The following AKT3 variants were observed in gnomAD, a reference collection of about 807,000 sequenced individuals.
AKT3 encodes RAC-gamma serine/threonine-protein kinase.
In AKT3, 15 loss-of-function variants were observed where a neutral mutation model predicts 65.3. That is an observed-to-expected ratio of 0.23 (90% CI 0.15 to 0.35). AKT3 has a LOEUF of 0.35. Among genes scored for constraint, AKT3 ranks in the 10% least tolerant of loss-of-function variants. The pLI is 1.00. For missense variants in AKT3, 243 were observed against 576.5 expected, an observed-to-expected ratio of 0.42 and a Z score of 5.92; for synonymous variants, 206 against 183.8, an observed-to-expected ratio of 1.12 and a Z score of -0.98.
At chr1:243,749,162 T>G (rs896868944) in intron 2 of AKT3, among the ~76,000 whole-genome samples, 2 of 152,086 alleles carry the variant, frequency 1.3e-5, no homozygotes, top group Non-Finnish European at 2.9e-5. Flanking sequence ...CTAATCCACT[T>G]TTTCTTTCAT....
At chr1:243,770,275 T>C (rs1438624831) in intron 2 of AKT3, among the ~76,000 whole-genome samples, 2 of 152,122 alleles carry the variant, frequency 1.3e-5, no homozygotes, top group African/African-American at 2.4e-5. Flanking sequence ...AGTAAAATGA[T>C]AGAATTTCTG....
intron 2 of AKT3, among the ~76,000 whole-genome samples, chr1:243,766,459 C>A (rs1387850378): frequency 2.6e-5 from 4 of 152,140 alleles, no homozygotes; most frequent in African/African-American, 9.6e-5. Context: ...ACTTTATACA[C>A]AATGTTCTGC....
At chr1:243,653,635 T>C (rs941873428) in intron 4 of AKT3, among the ~76,000 whole-genome samples, 8 of 152,198 alleles carry the variant, frequency 5.3e-5, no homozygotes, top group African/African-American at 1.9e-4. Context: ...GACAATGTTA[T>C]TCTATGCCTT....
chr1:243,793,823 C>T (rs981111710), intron 2 of AKT3, among the ~76,000 whole-genome samples: 1 of 151,656 alleles, frequency 6.6e-6, no homozygotes, highest in African/African-American at 2.4e-5. Flanking sequence ...TATTGACTCC[C>T]TAGGGTCTAG....
intron 10 of AKT3, among the ~76,000 whole-genome samples, chr1:243,561,975 G>T (rs1396740340): frequency 6.6e-6 from 1 of 152,116 alleles, no homozygotes; most frequent in Non-Finnish European, 1.5e-5. Context: ...TGACAGAAAT[G>T]ATGTTGTGTG....
chr1:243,675,777 A>G (rs1317400264), intron 3 of AKT3, among the ~76,000 whole-genome samples: 1 of 152,056 alleles, frequency 6.6e-6, no homozygotes, highest in African/African-American at 2.4e-5. Flanking sequence ...CTTGACCTCC[A>G]TGACACTGAC....
At position 243,493,165 on chromosome 1, in the gene AKT3, C is replaced by T. The variant is rs538682604; in HGVS notation, c.*7-4715G>A. Among the ~76,000 whole-genome samples the T allele has an allele frequency of 6.2e-4, 93 of 149,614 alleles. 1 individual carries two copies. Among genetic ancestry groups the T allele is most frequent in the African/African-American group, 2.1e-3 (87 of 40,530 alleles). On this transcript the variant is annotated intron_variant, in intron 13 of 13. Coordinates refer to the AKT3 transcript ENST00000336199. ...TTTGTTTGAGACTGGGCTGGGTAGT[C>T]GCACTCTCGCCCTCTTGAGAGGCAG...
chr1:243,505,925 C>CTCATCAGG, intron 13 of AKT3, among the ~76,000 whole-genome samples: 1 of 152,370 alleles, frequency 6.6e-6, no homozygotes, highest in African/African-American at 2.4e-5. Context: ...TGAGTCCTAG[C>CTCATCAGG]TCATCAGGAA....
chr1:243,635,898 T>C (rs947237645), intron 6 of AKT3, among the ~76,000 whole-genome samples: 20 of 152,166 alleles, frequency 1.3e-4, no homozygotes, highest in African/African-American at 4.3e-4. Flanking sequence ...TTGCTATAAA[T>C]GAGCATATTT....
At chr1:243,758,968 A>G (rs1689320113) in intron 2 of AKT3, among the ~76,000 whole-genome samples, 1 of 152,196 alleles carries the variant, frequency 6.6e-6, no homozygotes, top group Non-Finnish European at 1.5e-5. Context: ...GTTTCTGAGC[A>G]GAAGAGCCAA....
At chr1:243,813,055 C>T (rs1375037417) in intron 2 of AKT3, among the ~76,000 whole-genome samples, 1 of 150,472 alleles carries the variant, frequency 6.6e-6, no homozygotes, top group African/African-American at 2.4e-5. Context: ...GGAGGGATAG[C>T]ATTAGGAGAT....
At chr1:243,849,386 A>ACCCCCCCCCCCCCCCCCCCCCCCCCCCC (rs57424400) in intron 1 of AKT3, among the ~76,000 whole-genome samples, 2 of 107,020 alleles carry the variant, frequency 1.9e-5, no homozygotes, top group Admixed American at 1.0e-4. Context: ...CCACACACAC[A>ACCCCCCCCCCCCCCCCCCCCCCCCCCCC]CCCCCCCCCC....
chr1:243,787,872 A>C (rs527460503), intron 2 of AKT3, among the ~76,000 whole-genome samples: 1 of 151,956 alleles, frequency 6.6e-6, no homozygotes, highest in African/African-American at 2.4e-5. Flanking sequence ...CCTCTCCTAC[A>C]TTAATCTTCT....
chr1:243,594,689 T>C (rs1393990623), intron 8 of AKT3, among the ~76,000 whole-genome samples: 1 of 152,130 alleles, frequency 6.6e-6, no homozygotes, highest in Admixed American at 6.5e-5. Flanking sequence ...CATCAACCTC[T>C]TGGGCTCAAG....
chr1:243,527,894 C>CAAG (rs1671231672), intron 12 of AKT3, among the ~76,000 whole-genome samples: 1 of 105,670 alleles, frequency 9.5e-6, no homozygotes, highest in African/African-American at 3.8e-5. Context: ...CACACACACA[C>CAAG]ACACACACAC....
chr1:243,640,312 CTAGG>C (rs1377282821), intron 5 of AKT3, among the ~76,000 whole-genome samples: 1 of 152,108 alleles, frequency 6.6e-6, no homozygotes, highest in Non-Finnish European at 1.5e-5. Flanking sequence ...GCTATTTGTG[CTAGG>C]TAGTCTGCAA....
At chr1:243,662,599 T>G (rs1352471865) in intron 4 of AKT3, among the ~76,000 whole-genome samples, 1 of 150,710 alleles carries the variant, frequency 6.6e-6, no homozygotes, top group Non-Finnish European at 1.5e-5. Context: ...GAGATATATC[T>G]AATGCTAGAT....
At chr1:243,598,049 C>T (rs74808852) in intron 8 of AKT3, among the ~76,000 whole-genome samples, 2,184 of 152,112 alleles carry the variant, frequency 0.014, 33 homozygotes, top group South Asian at 0.069. Flanking sequence ...AAATTTAATG[C>T]TCTATTTTTT....
chr1:243,723,431 C>T (rs956155624), intron 2 of AKT3, among the ~76,000 whole-genome samples: 5 of 152,194 alleles, frequency 3.3e-5, no homozygotes, highest in African/African-American at 7.2e-5. Context: ...CCTCCATCTC[C>T]AGATCTAAGA....
Sources: allele counts gnomAD v4.1 joint callset (sites outside exome capture counted in the v4.1 genomes callset), GRCh38; gene constraint gnomAD v4.1.1; transcripts MANE v1.5; gene names NCBI Gene and HGNC (gene_info 2026-07-23, HGNC 2026-07-21).